Variants in ZBTB16 observed in about 807,000 individuals in gnomAD.
ZBTB16 encodes zinc finger and BTB domain-containing protein 16.
Under a neutral mutation model 56.8 loss-of-function variants are expected in ZBTB16, and 8 were observed. That is an observed-to-expected ratio of 0.14 (90% CI 0.08 to 0.25). ZBTB16 has a LOEUF of 0.25. Among genes scored for constraint, ZBTB16 ranks in the 10% least tolerant of loss-of-function variants. ZBTB16 has a pLI of 1.00. For synonymous variants in ZBTB16, 363 were observed against 368.5 expected (o/e 0.98, Z 0.17); for missense variants, 625 against 903.0 (o/e 0.69, Z 3.95).
At chr11:114,210,192 T>TGTGTGTGTGTGTGTGTGTGTGC (rs773801156) in intron 4 of ZBTB16, among the ~76,000 whole-genome samples, 1 of 143,238 alleles carries the variant, frequency 7.0e-6, no homozygotes, top group African/African-American at 2.5e-5. Flanking sequence ...TGTGTGTGTG[T>TGTGTGTGTGTGTGTGTGTGTGC]GCGTGCGCGC....
In ZBTB16 at chr11:114,143,429, G is replaced by T. The variant is rs1272241906; in HGVS notation, c.1269-12908G>T. On this transcript the variant is annotated intron_variant, in intron 2 of 6. Transcript: ENST00000335953. This position sits in a 1 kb window ranked among gnomAD's most constrained non-coding sequence, Gnocchi z 6.4. ...AAAAGACAGAGGCTGGGGGGGAAAG[G>T]GGGTCAGCTTTGAGAGGGGACAGAG... 2.6e-5 allele frequency among the ~76,000 whole-genome samples: 4 copies of T among 152,174 alleles called. No homozygotes were observed. Among genetic ancestry groups the T allele is most frequent in the Non-Finnish European group, 5.9e-5 (4 of 68,024 alleles).
chr11:114,247,802 G>T (rs1248098016), intron 6 of ZBTB16, among the ~76,000 whole-genome samples: 1 of 152,192 alleles, frequency 6.6e-6, no homozygotes, highest in Non-Finnish European at 1.5e-5. Context: ...AGGTTGGGAA[G>T]TTGTAAAGTT....
At chr11:114,076,102 C>G (rs1939554798) in intron 2 of ZBTB16, among the ~76,000 whole-genome samples, 3 of 152,098 alleles carry the variant, frequency 2.0e-5, no homozygotes, top group Admixed American at 2.0e-4. Flanking sequence ...GTGAACTGCA[C>G]TTTCGGGGAA....
intron 3 of ZBTB16, among the ~76,000 whole-genome samples, chr11:114,185,552 G>A (rs1242096432): frequency 6.6e-6 from 1 of 152,222 alleles, no homozygotes; most frequent in Non-Finnish European, 1.5e-5. Context: ...GAGTAAGAAC[G>A]TGTGAGGAAT....
chr11:114,209,480 C>A, intron 4 of ZBTB16: 1 of 985,318 alleles, frequency 1.0e-6, no homozygotes, highest in Non-Finnish European at 1.2e-6. Flanking sequence ...CCCAGAGGCC[C>A]CTCTCCCCAG....
At chr11:114,200,518 C>T (rs1236725659) in intron 4 of ZBTB16, among the ~76,000 whole-genome samples, 1 of 152,206 alleles carries the variant, frequency 6.6e-6, no homozygotes, top group Non-Finnish European at 1.5e-5. Context: ...GCTTCACTGT[C>T]TGCATCACTG....
At chr11:114,190,728 C>CAT (rs10558106) in intron 4 of ZBTB16, among the ~76,000 whole-genome samples, 12 of 108,480 alleles carry the variant, frequency 1.1e-4, no homozygotes, top group East Asian at 2.6e-4. Flanking sequence ...ACCTCTCTCT[C>CAT]ATACACACAC....
At chr11:114,142,941 A>G (rs992192585) in intron 2 of ZBTB16, among the ~76,000 whole-genome samples, 1 of 152,200 alleles carries the variant, frequency 6.6e-6, no homozygotes, top group African/African-American at 2.4e-5. Context: ...GGACATTTTT[A>G]TGTGTGGGCT....
At chr11:114,061,278 G>GAA (rs1356212684) in intron 1 of ZBTB16, 1 of 152,112 alleles carries the variant, frequency 6.6e-6, no homozygotes, top group Non-Finnish European at 1.5e-5. Flanking sequence ...GGGTGGGGGA[G>GAA]ACGGCTGCCC....
intron 2 of ZBTB16, among the ~76,000 whole-genome samples, chr11:114,110,156 A>G (rs1940950274): frequency 6.6e-6 from 1 of 152,058 alleles, no homozygotes; most frequent in South Asian, 2.1e-4. Flanking sequence ...CCCTCATGTC[A>G]TGGAGAAGCG....
intron 4 of ZBTB16, among the ~76,000 whole-genome samples, chr11:114,234,100 C>G (rs947438103): frequency 6.6e-5 from 10 of 152,160 alleles, no homozygotes; most frequent in African/African-American, 9.7e-5. Flanking sequence ...GTATTGAAAC[C>G]GTAACATTCC....
At chr11:114,157,931 G>A (rs1481840281) in intron 3 of ZBTB16, among the ~76,000 whole-genome samples, 1 of 151,976 alleles carries the variant, frequency 6.6e-6, no homozygotes, top group Admixed American at 6.5e-5. Context: ...TCCTGCCCAT[G>A]TGTCTCACCT....
intron 4 of ZBTB16, chr11:114,209,879 T>G (rs1943960382): frequency 1.0e-6 from 1 of 985,296 alleles, no homozygotes; most frequent in African/African-American, 1.7e-5. Context: ...GGACCCCATA[T>G]TTCTTCATGA....
chr11:114,146,664 G>A (rs371861605), intron 2 of ZBTB16, among the ~76,000 whole-genome samples: 1 of 151,868 alleles, frequency 6.6e-6, no homozygotes, highest in Non-Finnish European at 1.5e-5. Context: ...TGGCCAATGC[G>A]GTGAAACCCC....
intron 2 of ZBTB16, among the ~76,000 whole-genome samples, chr11:114,137,159 G>T (rs1941818653): frequency 6.6e-6 from 1 of 152,198 alleles, no homozygotes; most frequent in Admixed American, 6.5e-5. Flanking sequence ...CTTGTTTCCT[G>T]CATGCAGCAG....
chr11:114,088,538 C>CG (rs1290861848), intron 2 of ZBTB16, among the ~76,000 whole-genome samples: 19 of 152,260 alleles, frequency 1.2e-4, no homozygotes, highest in African/African-American at 4.3e-4. Flanking sequence ...TATACAGCCC[C>CG]GCTTCGTCCA....
rs150361581 is a variant in ZBTB16 at position 114,078,666 on chromosome 11, C to G, written c.1268+14098C>G. 8.9e-4 allele frequency among the ~76,000 whole-genome samples: 135 copies of G among 151,848 alleles called. 2 individuals are homozygous for G. In the South Asian group the frequency reaches 8.9e-3, roughly 10 times the overall value. ...CAGCTAGCTCAAAGTCCAAGAGATG[C>G]TAAAGATAGTGAAATACAGCCCAGG... is the stretch of plus-strand genomic sequence containing the variant. On this transcript the variant is annotated intron_variant, in intron 2 of 6. Coordinates refer to ENST00000335953, the MANE Select transcript of ZBTB16 (RefSeq NM_006006.6).
chr11:114,251,024 G>A lies in ZBTB16; in HGVS notation c.*469G>A, dbSNP rs1944909050. On this transcript the variant is annotated 3_prime_UTR_variant, in exon 7 of 7. Transcript: ENST00000335953. ...CTCCCCTGCTGATGGGTCTGGGCTG[G>A]GTCACTAGCTGCTCAAAATGGCAGC... is the stretch of plus-strand genomic sequence containing the variant. Among the ~76,000 whole-genome samples, 1 of 152,116 alleles carries A rather than the reference G, an allele frequency of 6.6e-6. No individual in the cohort carries two copies. Among genetic ancestry groups the A allele is most frequent in the Non-Finnish European group, 1.5e-5 (1 of 68,022 alleles).
chr11:114,240,861 C>T (rs1385256191), intron 4 of ZBTB16, among the ~76,000 whole-genome samples: 2 of 152,242 alleles, frequency 1.3e-5, no homozygotes, highest in East Asian at 3.9e-4. Context: ...AATCCTTTGA[C>T]AGTTGCCCAT....
Sources: gnomAD v4.1 joint callset for allele counts (sites outside exome capture counted in the v4.1 genomes callset) on GRCh38, gnomAD v4.1.1 for gene constraint, Gnocchi (gnomAD v3.1) non-coding constraint, MANE v1.5 for transcripts, NCBI Gene and HGNC (gene_info 2026-07-23, HGNC 2026-07-21) for gene names.